GNE: variants seen among roughly 807,000 people sequenced by gnomAD.
GNE encodes the protein glucosamine (UDP-N-acetyl)-2-epimerase/N-acetylmannosamine kinase, also known as bifunctional UDP-N-acetylglucosamine 2-epimerase/N-acetylmannosamine kinase.
GNE carries 41 observed loss-of-function variants against 61.8 expected under a neutral mutation model. That is an observed-to-expected ratio of 0.66 (90% CI 0.52 to 0.86). The LOEUF (loss-of-function observed/expected upper bound fraction) is 0.86. Ranked by LOEUF, GNE falls within the 40% of genes least tolerant of loss-of-function variation. GNE has a pLI of 0.00. For synonymous variants in GNE, 264 were observed against 326.4 expected, an observed-to-expected ratio of 0.81 and a Z score of 2.06; for missense variants, 608 against 909.1, an observed-to-expected ratio of 0.67 and a Z score of 4.26.
intron 1 of GNE, among the ~76,000 whole-genome samples, chr9:36,268,321 C>G (rs1344896831): frequency 6.6e-6 from 1 of 152,100 alleles, no homozygotes; most frequent in Non-Finnish European, 1.5e-5. Flanking sequence ...AACTTTGACT[C>G]TCTTATAAAA....
At chr9:36,235,518 G>A (rs1396661605) in intron 4 of GNE, among the ~76,000 whole-genome samples, 1 of 152,050 alleles carries the variant, frequency 6.6e-6, no homozygotes, top group Non-Finnish European at 1.5e-5. Flanking sequence ...TAATTCTAAA[G>A]TATATACAGC....
chr9:36,216,274 TTC>T lies in GNE; in HGVS notation c.*1089_*1090del. The T allele has an allele frequency of 4.4e-6, 2 of 455,108 alleles. No individual in the cohort carries two copies. Among genetic ancestry groups the T allele is most frequent in the Non-Finnish European group, 8.8e-6 (2 of 226,578 alleles). The allele number at this position is 455,108 out of a possible 1,614,324, so 28.2% of individuals were successfully genotyped here. ...CCCTTCCTGGTAAGATTTCCCTCTGTTCTCTGACTGGATCACCTTCTGTGATC... is the reference window on the plus strand; with the variant it reads ...CCCTTCCTGGTAAGATTTCCCTCTGTTCTGACTGGATCACCTTCTGTGATC... On this transcript the variant is annotated 3_prime_UTR_variant, in exon 12 of 12. Coordinates refer to ENST00000642385, the MANE Select transcript of GNE (RefSeq NM_005476.7).
In GNE at chr9:36,229,106, C is replaced by T. The variant is rs1829030322; in HGVS notation, c.985G>A (p.Glu329Lys). 1 of 1,584,286 alleles carries T rather than the reference C, an allele frequency of 6.3e-7. No homozygotes were observed. ...GTRQIGRETG[E>K]NVLHVRDADT... ...GCATCCCGGACATGAAGAACATTCT[C>T]CCCTAGGTAAAACCAGTGACACATT... Residue 329 changes from glutamate to lysine, a missense_variant and splice_region_variant, in exon 6 of 12, where the codon GAG becomes AAG. By Grantham distance (56) the Glu-to-Lys change is moderately conservative. Transcript: ENST00000642385.
rs201216576 is a variant in GNE, at chr9:36,217,421, C to T, written c.2113G>A (p.Ala705Thr). 9.9e-6 allele frequency: 16 copies of T among 1,614,122 alleles called. No individual in the cohort carries two copies. Among genetic ancestry groups the T allele is most frequent in the African/African-American group, 1.3e-5 (1 of 75,026 alleles). ...DVVVSDLVDP[A>T]LLGAASMVLD... Reference sequence around the variant, plus strand: ...ACCATGCTGGCAGCACCCAGCAGGGCGGGGTCAACCAAATCCGAAACCACC... The same window carrying T: ...ACCATGCTGGCAGCACCCAGCAGGGTGGGGTCAACCAAATCCGAAACCACC... The change falls in exon 12 of 12, where the codon GCC becomes ACC. Residue 705 changes from alanine to threonine, a missense_variant. Coordinates refer to ENST00000642385, the MANE Select transcript of GNE (RefSeq NM_005476.7).
At chr9:36,219,787 A>G (rs1828499786) in intron 10 of GNE, 51 bp downstream of exon 10, 1 of 1,483,468 alleles carries the variant, frequency 6.7e-7, no homozygotes, top group South Asian at 1.1e-5. Flanking sequence ...TCCACTTTGA[A>G]GTACTTGTCT....
chr9:36,236,808 A>C, intron 4 of GNE, 24 bp downstream of exon 4: 1 of 1,609,238 alleles, frequency 6.2e-7, no homozygotes, highest in Non-Finnish European at 8.5e-7. Flanking sequence ...TAGGTGGCAT[A>C]ATTTCATTTT....
intron 3 of GNE, among the ~76,000 whole-genome samples, chr9:36,243,149 A>G (rs1046878516): frequency 1.3e-5 from 2 of 151,978 alleles, no homozygotes; most frequent in Admixed American, 6.6e-5. Context: ...GACTCAAGCA[A>G]TCCTCCCACT....
intron 2 of GNE, among the ~76,000 whole-genome samples, chr9:36,247,848 G>A (rs1025950316): frequency 3.3e-5 from 5 of 152,002 alleles, no homozygotes; most frequent in Middle Eastern, 3.4e-3. Context: ...CCAACATGGA[G>A]AAACCCCGTC....
In GNE at chr9:36,251,274, C is replaced by T. The variant is rs559460407; in HGVS notation, c.-42-1877G>A. Among the ~76,000 whole-genome samples the T allele has an allele frequency of 2.0e-5, 3 of 152,272 alleles. No homozygotes were observed. In the East Asian group the frequency reaches 5.8e-4, roughly 29 times the overall value. On this transcript the variant is annotated intron_variant, in intron 1 of 11. Coordinates refer to ENST00000642385, the MANE Select transcript of GNE (RefSeq NM_005476.7). ...TTCTCAGTTGCTGCCTCGCTCTGAG[C>T]GTTATGGCCCTCCCATTCACAGATA... is the stretch of plus-strand genomic sequence containing the variant.
At chr9:36,274,111 T>TGA (rs1241678339) in intron 1 of GNE, among the ~76,000 whole-genome samples, 6 of 120,130 alleles carry the variant, frequency 5.0e-5, no homozygotes, top group African/African-American at 1.7e-4. Flanking sequence ...TGTGTGTGTG[T>TGA]GTGTGACAGG....
At chr9:36,276,089 C>G (rs1472813290) in intron 1 of GNE, among the ~76,000 whole-genome samples, 1 of 152,072 alleles carries the variant, frequency 6.6e-6, no homozygotes, top group East Asian at 1.9e-4. Flanking sequence ...AGGAGGATCC[C>G]TTGAGCCCAG....
At chr9:36,229,212 C>G (rs752651876) in intron 5 of GNE, 104 bp from the exon 6 acceptor site, 38 of 779,228 alleles carry the variant, frequency 4.9e-5, no homozygotes, top group South Asian at 6.8e-5. Context: ...TGAAATCCAG[C>G]TGACTTCAGG....
intron 1 of GNE, among the ~76,000 whole-genome samples, chr9:36,250,741 C>T (rs1425607657): frequency 6.6e-6 from 1 of 152,204 alleles, no homozygotes; most frequent in Admixed American, 6.5e-5. Context: ...AGTGCAGTGG[C>T]ACGAGCTTGG....
intron 3 of GNE, among the ~76,000 whole-genome samples, chr9:36,237,196 C>G (rs1218470103): frequency 6.6e-6 from 1 of 152,174 alleles, no homozygotes; most frequent in African/African-American, 2.4e-5. Context: ...TAACATTTTA[C>G]AAAGACATGC....
intron 1 of GNE, among the ~76,000 whole-genome samples, chr9:36,252,565 T>C (rs1474241443): frequency 6.6e-6 from 1 of 152,172 alleles, no homozygotes; most frequent in Non-Finnish European, 1.5e-5. Flanking sequence ...TATAAATAAA[T>C]GGTGAAAAAT....
Position 36,236,845 on chromosome 9 carries a change from T to C in GNE, c.756A>G (p.Pro252=). 1 of 1,613,942 alleles carries C rather than the reference T, an allele frequency of 6.2e-7. No homozygotes were observed. The highest frequency in any genetic ancestry group is 8.5e-7 in the Non-Finnish European group (1 of 1,179,858). ...SFNKRTLVLF[P]NIDAGSKEMV... is the part of the protein sequence containing the mutation. ...AAGTTCAATTACCTGCGTCAATATTTGGAAACAGGACTAGGGTCCGCTTGT... is the reference window on the plus strand; with the variant it reads ...AAGTTCAATTACCTGCGTCAATATTCGGAAACAGGACTAGGGTCCGCTTGT... The change falls in exon 4 of 12, where the codon CCA becomes CCG. Residue 252 remains proline, a synonymous_variant. Coordinates refer to ENST00000642385, the MANE Select transcript of GNE (RefSeq NM_005476.7).
intron 1 of GNE, among the ~76,000 whole-genome samples, chr9:36,252,159 C>A (rs143584991): frequency 6.6e-6 from 1 of 151,912 alleles, no homozygotes; most frequent in African/African-American, 2.4e-5. Context: ...CTAATTTTTT[C>A]TATTTTTAGT....
chr9:36,266,998 G>A (rs1830826460), intron 1 of GNE, among the ~76,000 whole-genome samples: 1 of 152,160 alleles, frequency 6.6e-6, no homozygotes, highest in Non-Finnish European at 1.5e-5. Flanking sequence ...CCTGGGAGGC[G>A]AAGGTTACAC....
intron 7 of GNE, among the ~76,000 whole-genome samples, chr9:36,225,228 G>A (rs918416135): frequency 6.6e-6 from 1 of 151,998 alleles, no homozygotes; most frequent in African/African-American, 2.4e-5. Context: ...TTATTCTTAG[G>A]AGTTTTTGTT....
Sources: allele counts gnomAD v4.1 joint callset (sites outside exome capture counted in the v4.1 genomes callset), GRCh38; gene constraint gnomAD v4.1.1; transcripts MANE v1.5; gene names NCBI Gene and HGNC (gene_info 2026-07-23, HGNC 2026-07-21).